MROH2B: variants seen among roughly 807,000 people sequenced by gnomAD.
The protein encoded by MROH2B is maestro heat like repeat family member 2B, also known as maestro heat-like repeat-containing protein family member 2B.
MROH2B carries 177 observed loss-of-function variants against 208.6 expected under a neutral mutation model. The ratio of observed to expected loss-of-function variants is 0.85; its 90% confidence interval spans 0.75 to 0.96. MROH2B has a LOEUF of 0.96. Among genes scored for constraint, MROH2B ranks in the 40% least tolerant of loss-of-function variants. MROH2B has a pLI of 0.00. For synonymous variants in MROH2B, 728 were observed against 659.0 expected (o/e 1.10, Z -1.60); for missense variants, 2,002 against 1,878.7 (o/e 1.07, Z -1.21).
intron 22 of MROH2B, 37 bp downstream of exon 22, chr5:41,033,799 ATC>A (rs752711981): frequency 8.4e-7 from 1 of 1,194,020 alleles, no homozygotes; most frequent in Non-Finnish European, 1.2e-6. Flanking sequence ...CTATCTATCT[ATC>A]TATCTATCTA....
At chr5:41,069,829 A>C in intron 1 of MROH2B, 77 bp from the exon 2 acceptor site, 2 of 1,100,314 alleles carry the variant, frequency 1.8e-6, no homozygotes, top group Non-Finnish European at 2.7e-6. Flanking sequence ...ATCAACACAG[A>C]AAGTTCATTC....
chr5:41,040,715 G>A (rs1212545271), intron 19 of MROH2B, among the ~76,000 whole-genome samples: 2 of 152,134 alleles, frequency 1.3e-5, no homozygotes, highest in South Asian at 2.1e-4. Context: ...CAACCAGGCT[G>A]GAGTGCAATG....
intron 21 of MROH2B, 138 bp downstream of exon 21, chr5:41,038,598 A>T: frequency 1.4e-6 from 1 of 716,362 alleles, no homozygotes; most frequent in Non-Finnish European, 2.1e-6. Flanking sequence ...CGAGACATTT[A>T]CTGTATTAGT....
chr5:41,061,249 A>AT (rs1743627220), intron 6 of MROH2B, among the ~76,000 whole-genome samples: 1 of 152,138 alleles, frequency 6.6e-6, no homozygotes, highest in African/African-American at 2.4e-5. Flanking sequence ...ATTTTTACTC[A>AT]TTTTATCTTA....
chr5:41,008,936 T>G (rs1306098793), intron 32 of MROH2B, 143 bp from the exon 33 acceptor site: 14 of 862,364 alleles, frequency 1.6e-5, no homozygotes, highest in Non-Finnish European at 2.3e-5. Context: ...ATTTCTCAAC[T>G]CAGGGCCTGC....
At chr5:41,061,748 A>C (rs559740728) in intron 5 of MROH2B, 24 bp from the exon 6 acceptor site, 4 of 1,606,312 alleles carry the variant, frequency 2.5e-6, no homozygotes, top group South Asian at 1.1e-5. Context: ...ACACAACCAC[A>C]GACTGAGAAA....
intron 31 of MROH2B, among the ~76,000 whole-genome samples, 169 bp downstream of exon 31, chr5:41,009,753 G>T (rs1347166901): frequency 6.6e-6 from 1 of 152,090 alleles, no homozygotes; most frequent in Non-Finnish European, 1.5e-5. Context: ...TATATGAAAA[G>T]CACTTGGAAA....
At chr5:41,035,792 G>C (rs1054699594) in intron 21 of MROH2B, among the ~76,000 whole-genome samples, 2 of 151,376 alleles carry the variant, frequency 1.3e-5, no homozygotes, top group Admixed American at 6.6e-5. Flanking sequence ...GGTCAGAATG[G>C]CTGTTACAAA....
intron 21 of MROH2B, among the ~76,000 whole-genome samples, chr5:41,034,860 A>G (rs1434109693): frequency 6.6e-6 from 1 of 152,120 alleles, no homozygotes; most frequent in Admixed American, 6.6e-5. Flanking sequence ...ATAGCCACAA[A>G]GAAAATGAAA....
intron 19 of MROH2B, among the ~76,000 whole-genome samples, chr5:41,040,545 C>A (rs182941197): frequency 1.3e-5 from 2 of 152,154 alleles, no homozygotes. Context: ...ATGAAAGTCA[C>A]GTGTTAACAC....
chr5:41,033,417 T>C (rs1279325177), intron 22 of MROH2B, among the ~76,000 whole-genome samples: 5 of 152,064 alleles, frequency 3.3e-5, no homozygotes, highest in African/African-American at 1.2e-4. Context: ...TAAACAACAG[T>C]AGGAAACAGT....
Position 41,022,677 on chromosome 5 carries a change from T to C in MROH2B, c.2442-3659A>G, listed in dbSNP as rs183820506. 3.2e-3 allele frequency among the ~76,000 whole-genome samples: 492 copies of C among 152,310 alleles called. 3 individuals carry two copies. The highest frequency in any genetic ancestry group is 0.011 in the African/African-American group (467 of 41,574). On this transcript the variant is annotated intron_variant, in intron 24 of 41. Transcript: ENST00000399564. ...AAACCTCTGCAGACTTAAATGTCTC[T>C]GTCTGACAGCTTTGAAGAGAGTAGT...
intron 18 of MROH2B, among the ~76,000 whole-genome samples, 161 bp downstream of exon 18, chr5:41,045,585 G>A (rs895572136): frequency 1.3e-5 from 2 of 152,028 alleles, no homozygotes; most frequent in African/African-American, 4.8e-5. Flanking sequence ...TGCAGAGAAG[G>A]TCATATTCAA....
At chr5:41,040,700 A>G (rs1742917759) in intron 19 of MROH2B, among the ~76,000 whole-genome samples, 1 of 152,116 alleles carries the variant, frequency 6.6e-6, no homozygotes, top group Admixed American at 6.5e-5. Context: ...GGAGTCTCAC[A>G]CTGTCAACCA....
At chr5:41,030,058 G>T (rs325821) in intron 24 of MROH2B, among the ~76,000 whole-genome samples, 24,742 of 151,800 alleles carry the variant, frequency 0.16, 2,153 homozygotes, top group East Asian at 0.3. Flanking sequence ...CAAATCATAT[G>T]TCTGATAAGA....
At position 41,051,109 on chromosome 5, in the gene MROH2B, A is replaced by G; in HGVS notation, c.1231-19T>C. 1 of 1,492,998 alleles carries G rather than the reference A, an allele frequency of 6.7e-7. No individual in the cohort carries two copies. Among genetic ancestry groups the G allele is most frequent in the South Asian group, 1.4e-5 (1 of 72,480 alleles). The allele number at this position is 1,492,998 out of a possible 1,614,324, so 92.5% of individuals were successfully genotyped here. A position where few individuals can be genotyped will look rare whatever the true frequency, so the allele number is the denominator to read the frequency against. Reference sequence around the variant, plus strand: ...GTTTCTCCTTTAAGAAAGATCAAACAGGTGACTTGTTAATGACTCCTAAGG... The same window carrying G: ...GTTTCTCCTTTAAGAAAGATCAAACGGGTGACTTGTTAATGACTCCTAAGG... On this transcript the variant is annotated intron_variant, in intron 12 of 41. Coordinates refer to ENST00000399564, the MANE Select transcript of MROH2B (RefSeq NM_173489.5).
In MROH2B at chr5:41,028,398, T is replaced by C. The variant is rs1186771786; in HGVS notation, c.2441+4344A>G. Among the ~76,000 whole-genome samples, 6 of 152,184 alleles carry C rather than the reference T, an allele frequency of 3.9e-5. No individual in the cohort carries two copies. In the South Asian group the frequency reaches 1.2e-3, roughly 32 times the overall value. On this transcript the variant is annotated intron_variant, in intron 24 of 41. Transcript: ENST00000399564. ...TACTCCTAGGTTGTACATTATTAAATCTTTAGACTTATTCATCAGACTTAC... is the reference window on the plus strand; with the variant it reads ...TACTCCTAGGTTGTACATTATTAAACCTTTAGACTTATTCATCAGACTTAC...
chr5:41,052,493 G>T lies in MROH2B; in HGVS notation c.1202C>A (p.Ser401Tyr). ...ATTCCTGTTCAACGTTGCAAACTGG[G>T]AGAAGACATAATCAATCAATGGCCA... Reference protein sequence around the residue: ...EGWPLIDYVFSQFATLNRNLE... With the variant: ...EGWPLIDYVFYQFATLNRNLE... Residue 401 changes from serine to tyrosine, a missense_variant, in exon 12 of 42, where the codon TCC (serine) becomes TAC (tyrosine). Coordinates refer to ENST00000399564, the MANE Select transcript of MROH2B (RefSeq NM_173489.5). 1.9e-6 allele frequency: 3 copies of T among 1,612,840 alleles called. No individual in the cohort carries two copies. Among genetic ancestry groups the T allele is most frequent in the Non-Finnish European group, 2.5e-6 (3 of 1,179,254 alleles).
chr5:41,006,792 G>A (rs952935550), intron 34 of MROH2B, among the ~76,000 whole-genome samples: 19 of 152,210 alleles, frequency 1.2e-4, no homozygotes, highest in South Asian at 6.2e-4. Context: ...CTATTAGGAC[G>A]CAAAGGCATA....
Sources: allele counts gnomAD v4.1 joint callset (sites outside exome capture counted in the v4.1 genomes callset), GRCh38; gene constraint gnomAD v4.1.1; transcripts MANE v1.5; gene names NCBI Gene and HGNC (gene_info 2026-07-23, HGNC 2026-07-21).